Variants in BTRC observed in about 807,000 individuals in gnomAD.
BTRC encodes the protein F-box/WD repeat-containing protein 1A.
A neutral mutation model predicts 85.5 loss-of-function variants in BTRC; 42 were observed. The ratio of observed to expected loss-of-function variants is 0.49; its 90% CI spans 0.38 to 0.64. BTRC has a LOEUF of 0.64. Among genes scored for constraint, BTRC ranks in the 30% least tolerant of loss-of-function variants. The probability of loss-of-function intolerance (pLI) is 0.00; values close to 1 mark genes in which losing one functional copy is unlikely to be tolerated. For missense variants in BTRC, 594 were observed against 743.5 expected, an observed-to-expected ratio of 0.80 and a Z score of 2.34; for synonymous variants, 255 against 263.3, an observed-to-expected ratio of 0.97 and a Z score of 0.30.
chr10:101,428,432 G>A (rs1944316510), intron 1 of BTRC, among the ~76,000 whole-genome samples: 1 of 152,224 alleles, frequency 6.6e-6, no homozygotes, highest in African/African-American at 2.4e-5. Context: ...AGCTTGAGGT[G>A]AGGAAACGTT....
At chr10:101,388,319 C>T (rs999158745) in intron 1 of BTRC, among the ~76,000 whole-genome samples, 1 of 147,532 alleles carries the variant, frequency 6.8e-6, no homozygotes, top group Non-Finnish European at 1.5e-5. Context: ...CACCACACCA[C>T]ACCCAGCTAA....
chr10:101,406,505 A>C (rs1383890152), intron 1 of BTRC, among the ~76,000 whole-genome samples: 4 of 144,482 alleles, frequency 2.8e-5, no homozygotes, highest in African/African-American at 1.0e-4. Context: ...TTTCATGTTA[A>C]CATAGCCATC....
At chr10:101,439,003 A>G (rs1242768412) in intron 2 of BTRC, among the ~76,000 whole-genome samples, 1 of 152,204 alleles carries the variant, frequency 6.6e-6, no homozygotes, top group African/African-American at 2.4e-5. Flanking sequence ...GCATGTGGCT[A>G]CAGCACCCCA....
chr10:101,366,960 T>TAAGTCCAAACTCCCTGGAC (rs1942450680), intron 1 of BTRC, among the ~76,000 whole-genome samples: 1 of 30,352 alleles, frequency 3.3e-5, no homozygotes, highest in African/African-American at 9.2e-5. Context: ...ATATATATAT[T>TAAGTCCAAACTCCCTGGAC]TATATAAATA....
chr10:101,468,446 A>G, intron 3 of BTRC, among the ~76,000 whole-genome samples: 1 of 149,030 alleles, frequency 6.7e-6, no homozygotes, highest in East Asian at 1.9e-4. Context: ...CATGAGCCCT[A>G]AAAAAAAAAT....
chr10:101,410,941 T>A (rs1215379204), intron 1 of BTRC, among the ~76,000 whole-genome samples: 4 of 151,968 alleles, frequency 2.6e-5, no homozygotes, highest in Non-Finnish European at 5.9e-5. Context: ...GCTTACTTTT[T>A]AAAAAAATTT....
intron 3 of BTRC, among the ~76,000 whole-genome samples, chr10:101,470,115 T>C (rs1200752258): frequency 1.3e-5 from 2 of 152,214 alleles, no homozygotes; most frequent in African/African-American, 4.8e-5. Flanking sequence ...CTTTGTGAAG[T>C]ATCTTTTAAG....
At chr10:101,528,960 CTG>C (rs1419459001) in intron 6 of BTRC, among the ~76,000 whole-genome samples, 1 of 152,174 alleles carries the variant, frequency 6.6e-6, no homozygotes, top group Non-Finnish European at 1.5e-5. Flanking sequence ...GACATGAACT[CTG>C]TAGTTTTCTC....
At chr10:101,532,890 C>A in intron 8 of BTRC, 62 bp from the exon 9 acceptor site, 1 of 1,310,124 alleles carries the variant, frequency 7.6e-7, no homozygotes, top group South Asian at 1.2e-5. Context: ...GTAATAGGAC[C>A]AACAAGTCTC....
At position 101,521,915 on chromosome 10, in the gene BTRC, A is replaced by G. The variant is rs765198461; in HGVS notation, c.556+45A>G. On this transcript the variant is annotated intron_variant, in intron 5 of 14. Coordinates refer to ENST00000370187, the MANE Select transcript of BTRC (RefSeq NM_033637.4). ...TAAACCATTAATTTGCTATGATGAT[A>G]AGAGAACTAGATCTCCAGCTATATA... 8 of 1,456,456 alleles carry G rather than the reference A, an allele frequency of 5.5e-6. No individual in the cohort carries two copies. In the Admixed American group the frequency reaches 7.1e-5, roughly 13 times the overall value. The allele number at this position is 1,456,456 out of a possible 1,614,324, so 90.2% of individuals were successfully genotyped here. A position where few individuals can be genotyped will look rare whatever the true frequency, so the allele number is the denominator to read the frequency against.
chr10:101,504,977 T>C (rs1946482429), intron 4 of BTRC, among the ~76,000 whole-genome samples: 1 of 151,396 alleles, frequency 6.6e-6, no homozygotes, highest in South Asian at 2.1e-4. Context: ...AGTCTTACTC[T>C]GTCACCCAGG....
At chr10:101,504,424 C>A (rs1321692764) in intron 4 of BTRC, among the ~76,000 whole-genome samples, 1 of 151,816 alleles carries the variant, frequency 6.6e-6, no homozygotes, top group African/African-American at 2.4e-5. Context: ...CTCACTTCAT[C>A]TCTCCTGTAG....
intron 6 of BTRC, among the ~76,000 whole-genome samples, chr10:101,529,911 C>G (rs894123663): frequency 2.0e-5 from 3 of 152,192 alleles, no homozygotes; most frequent in Admixed American, 6.5e-5. Context: ...ATTTCTGCCT[C>G]TCTCCACTTT....
intron 1 of BTRC, among the ~76,000 whole-genome samples, chr10:101,362,047 G>A (rs754294353): frequency 1.3e-5 from 2 of 152,006 alleles, no homozygotes; most frequent in Admixed American, 6.6e-5. Flanking sequence ...TGCAACCCCC[G>A]ACTCCCTGGT....
intron 2 of BTRC, among the ~76,000 whole-genome samples, chr10:101,454,203 C>G (rs564940856): frequency 6.6e-6 from 1 of 152,140 alleles, no homozygotes; most frequent in Non-Finnish European, 1.5e-5. Flanking sequence ...TGTATACTTA[C>G]GTAATGTGTT....
chr10:101,465,173 C>T (rs1490660989), intron 3 of BTRC, among the ~76,000 whole-genome samples: 5 of 152,054 alleles, frequency 3.3e-5, no homozygotes, highest in African/African-American at 9.7e-5. Flanking sequence ...CCGCCTTATA[C>T]CTAGTATTGA....
Position 101,366,844 on chromosome 10 carries a change from GTATATTAATATATATTTA to G in BTRC, c.48+12640_48+12657del, listed in dbSNP as rs1346859735. Among the ~76,000 whole-genome samples the G allele has an allele frequency of 2.9e-3, 61 of 21,078 alleles. 14 individuals carry two copies. Among genetic ancestry groups the G allele is most frequent in the Non-Finnish European group, 3.4e-3 (44 of 13,112 alleles). 13.8% of individuals were successfully genotyped at this position (21,078 alleles called of 152,430 possible). On this transcript the variant is annotated intron_variant, in intron 1 of 14. Transcript: ENST00000370187. ...TTAATATATATTTATATATATTTAT[GTATATTAATATATATTTA>G]TATATTAATATATATTTATATATAT...
At chr10:101,549,115 G>A (rs7096488) in intron 13 of BTRC, among the ~76,000 whole-genome samples, 95,556 of 151,656 alleles carry the variant, frequency 0.63, 31,272 homozygotes, top group East Asian at 0.85. Flanking sequence ...ATGAAATTCA[G>A]TAAGAGACTA....
intron 6 of BTRC, among the ~76,000 whole-genome samples, chr10:101,528,363 A>T (rs1234138512): frequency 6.6e-6 from 1 of 152,214 alleles, no homozygotes; most frequent in Non-Finnish European, 1.5e-5. Flanking sequence ...AAGATCTTTT[A>T]TGTTAGTTAC....
Sources: gnomAD v4.1 joint callset for allele counts (sites outside exome capture counted in the v4.1 genomes callset) on GRCh38, gnomAD v4.1.1 for gene constraint, MANE v1.5 for transcripts, NCBI Gene and HGNC (gene_info 2026-07-23, HGNC 2026-07-21) for gene names.